The following PPARGC1A variants were observed in gnomAD, a reference collection of about 807,000 sequenced individuals.
The protein encoded by PPARGC1A is PPARG coactivator 1 alpha, also known as peroxisome proliferator-activated receptor gamma coactivator 1-alpha.
A neutral mutation model predicts 88.7 loss-of-function variants in PPARGC1A; 25 were observed. The ratio of observed to expected loss-of-function variants is 0.28; its 90% CI spans 0.21 to 0.39. The LOEUF (loss-of-function observed/expected upper bound fraction) is 0.39, where lower values mean the gene tolerates loss of function less well. Ranked by LOEUF, PPARGC1A falls within the 10% of genes least tolerant of loss-of-function variation. The pLI is 1.00. For synonymous variants in PPARGC1A, 363 were observed against 355.6 expected (o/e 1.02, Z -0.24); for missense variants, 880 against 968.7 (o/e 0.91, Z 1.22).
chr4:23,854,219 GA>G (rs1401295838), intron 2 of PPARGC1A, among the ~76,000 whole-genome samples: 1 of 152,202 alleles, frequency 6.6e-6, no homozygotes, highest in African/African-American at 2.4e-5. Flanking sequence ...TTAGTTCTGA[GA>G]AGAGAGAATC....
At chr4:24,352,340 C>G in the PPARGC1A span, among the ~76,000 whole-genome samples, 4 of 152,122 alleles carry the variant, frequency 2.6e-5, no homozygotes, top group African/African-American at 9.7e-5. Flanking sequence ...GGTGAGAGTG[C>G]AGCTAGGATA....
chr4:24,065,112 A>ACC, the PPARGC1A span, among the ~76,000 whole-genome samples: 1 of 151,844 alleles, frequency 6.6e-6, no homozygotes, highest in Non-Finnish European at 1.5e-5. Context: ...TCCACCTGAT[A>ACC]CCTCCCTCAT....
the PPARGC1A span, among the ~76,000 whole-genome samples, chr4:24,221,852 T>G: frequency 1.3e-5 from 2 of 152,300 alleles, no homozygotes; most frequent in South Asian, 4.1e-4. Context: ...ATGATTTGGT[T>G]TGTTCCAATA....
chr4:24,251,004 A>G, the PPARGC1A span, among the ~76,000 whole-genome samples: 2 of 152,216 alleles, frequency 1.3e-5, no homozygotes, highest in Admixed American at 6.5e-5. Flanking sequence ...GTCACATTTC[A>G]TGATATGACC....
chr4:23,911,854 T>C, the PPARGC1A span, among the ~76,000 whole-genome samples: 1 of 152,200 alleles, frequency 6.6e-6, no homozygotes, highest in Non-Finnish European at 1.5e-5. Context: ...TTTTTAACTC[T>C]GGGCACACTG....
chr4:24,436,611 C>T, the PPARGC1A span, among the ~76,000 whole-genome samples: 1 of 147,868 alleles, frequency 6.8e-6, no homozygotes, highest in Non-Finnish European at 1.5e-5. Context: ...ATCGATTGGC[C>T]ACCCCAGAGC....
chr4:24,068,118 C>G, the PPARGC1A span, among the ~76,000 whole-genome samples: 1 of 152,154 alleles, frequency 6.6e-6, no homozygotes, highest in Non-Finnish European at 1.5e-5. Context: ...TGAATAAGAA[C>G]TCTTTTGTCT....
At chr4:23,986,831 G>A in the PPARGC1A span, among the ~76,000 whole-genome samples, 9 of 151,966 alleles carry the variant, frequency 5.9e-5, no homozygotes, top group East Asian at 1.9e-4. Context: ...GAGCCTCCAC[G>A]TTAAATAAAT....
At chr4:24,163,806 G>A in the PPARGC1A span, among the ~76,000 whole-genome samples, 1 of 152,082 alleles carries the variant, frequency 6.6e-6, no homozygotes, top group African/African-American at 2.4e-5. Flanking sequence ...GATCTGCATC[G>A]CTCTCATTAA....
At chr4:23,829,896 A>G (rs1724695592) in intron 3 of PPARGC1A, among the ~76,000 whole-genome samples, 2 of 152,238 alleles carry the variant, frequency 1.3e-5, no homozygotes, top group Non-Finnish European at 2.9e-5. Flanking sequence ...AGTGAAAAGT[A>G]GAAGGAAAAT....
At chr4:24,351,334 C>T in the PPARGC1A span, among the ~76,000 whole-genome samples, 247 of 149,488 alleles carry the variant, frequency 1.7e-3, no homozygotes, top group African/African-American at 5.9e-3. Flanking sequence ...GAGGTTGAGG[C>T]TGCAGTGAGC....
intron 2 of PPARGC1A, among the ~76,000 whole-genome samples, chr4:23,873,228 G>T (rs915488075): frequency 7.0e-5 from 7 of 99,878 alleles, no homozygotes; most frequent in East Asian, 3.1e-4. Flanking sequence ...AAAAAATAAA[G>T]AAAAAAATGT....
chr4:23,836,267 A>T (rs559509895), intron 2 of PPARGC1A, among the ~76,000 whole-genome samples: 1 of 152,162 alleles, frequency 6.6e-6, no homozygotes, highest in Non-Finnish European at 1.5e-5. Context: ...AGGCGGAAGG[A>T]AAGGTAGAAA....
At chr4:23,973,573 TG>T in the PPARGC1A span, among the ~76,000 whole-genome samples, 1 of 152,252 alleles carries the variant, frequency 6.6e-6, no homozygotes, top group Non-Finnish European at 1.5e-5. Flanking sequence ...ATTCTATGCA[TG>T]ATTTGAATTT....
chr4:23,895,966 GTGTGTGTGTGTGTGTATA>G (rs757933455), intron 1 of PPARGC1A, among the ~76,000 whole-genome samples: 44 of 90,218 alleles, frequency 4.9e-4, no homozygotes, highest in African/African-American at 2.9e-3. Flanking sequence ...GTGTGTGTGT[GTGTGTGTGTGTGTGTATA>G]TATATATACA....
chr4:24,027,989 T>A, the PPARGC1A span, among the ~76,000 whole-genome samples: 1 of 152,174 alleles, frequency 6.6e-6, no homozygotes, highest in South Asian at 2.1e-4. Flanking sequence ...ATAGGTCATA[T>A]TATTATCATC....
the PPARGC1A span, among the ~76,000 whole-genome samples, chr4:24,091,196 T>G: frequency 6.6e-6 from 1 of 152,240 alleles, no homozygotes; most frequent in Non-Finnish European, 1.5e-5. Context: ...TGCAACTTGT[T>G]AATTCAAGAA....
the PPARGC1A span, among the ~76,000 whole-genome samples, chr4:23,940,914 C>T: frequency 6.6e-6 from 1 of 152,142 alleles, no homozygotes; most frequent in Non-Finnish European, 1.5e-5. Flanking sequence ...CACTTTAAAA[C>T]CCCAAATGTA....
the PPARGC1A span, among the ~76,000 whole-genome samples, chr4:23,954,180 A>T: frequency 6.6e-6 from 1 of 152,076 alleles, no homozygotes; most frequent in Non-Finnish European, 1.5e-5. Flanking sequence ...AGTATGGGCG[A>T]ATGAGATCTT....
Sources: allele counts gnomAD v4.1 joint callset (sites outside exome capture counted in the v4.1 genomes callset), GRCh38; gene constraint gnomAD v4.1.1; transcripts MANE v1.5; gene names NCBI Gene and HGNC (gene_info 2026-07-23, HGNC 2026-07-21).